Variants in TCF20 observed in about 807,000 individuals in gnomAD.
TCF20 encodes the protein transcription factor 20.
TCF20 carries 3 observed loss-of-function variants against 148.6 expected under a neutral mutation model. That is an observed-to-expected ratio of 0.02 (90% CI 0.01 to 0.05). TCF20 has a LOEUF of 0.05. TCF20 is among the 10% of genes least tolerant of loss of function. The pLI, the probability that TCF20 is intolerant of heterozygous loss-of-function variation, is 1.00. For synonymous variants in TCF20, 1,049 were observed against 909.5 expected (o/e 1.15, Z -2.76); for missense variants, 2,350 against 2,429.3 (o/e 0.97, Z 0.69).
At chr22:42,276,270 G>A (rs1315978901) in intron 1 of TCF20, 2 of 152,180 alleles carry the variant, frequency 1.3e-5, no homozygotes, top group African/African-American at 4.8e-5. Flanking sequence ...TACTTCCTGA[G>A]CCTCCAGTGT....
intron 1 of TCF20, among the ~76,000 whole-genome samples, chr22:42,329,634 G>C (rs1322695670): frequency 6.6e-6 from 1 of 152,204 alleles, no homozygotes; most frequent in Non-Finnish European, 1.5e-5. Context: ...GACACATGCT[G>C]GATCGCCACC....
At chr22:42,308,754 G>C (rs1249095423) in intron 1 of TCF20, among the ~76,000 whole-genome samples, 1 of 152,120 alleles carries the variant, frequency 6.6e-6, no homozygotes, top group African/African-American at 2.4e-5. Flanking sequence ...ACAGGGGAGG[G>C]AGATCCTCCC....
chr22:42,267,750 A>C (rs1926366347), intron 1 of TCF20, among the ~76,000 whole-genome samples: 1 of 152,182 alleles, frequency 6.6e-6, no homozygotes, highest in Non-Finnish European at 1.5e-5. Flanking sequence ...TGATGGTAAC[A>C]TACAAGAAAA....
chr22:42,324,708 A>G (rs920270765), intron 1 of TCF20, among the ~76,000 whole-genome samples: 2 of 152,168 alleles, frequency 1.3e-5, no homozygotes, highest in African/African-American at 4.8e-5. Context: ...AATAATCTCC[A>G]CCATCTGAGA....
chr22:42,231,956 ATCT>A (rs1923457573), intron 1 of TCF20, among the ~76,000 whole-genome samples: 1 of 150,930 alleles, frequency 6.6e-6, no homozygotes, highest in African/African-American at 2.4e-5. Flanking sequence ...AGTTACAGTA[ATCT>A]AAGGTTAATA....
chr22:42,263,875 A>G (rs1175566296), intron 1 of TCF20, among the ~76,000 whole-genome samples: 6 of 152,142 alleles, frequency 3.9e-5, no homozygotes, highest in African/African-American at 1.2e-4. Context: ...CATAGATGGC[A>G]AAGAATAGGT....
At chr22:42,320,605 T>C (rs546308787) in intron 1 of TCF20, among the ~76,000 whole-genome samples, 33 of 152,218 alleles carry the variant, frequency 2.2e-4, no homozygotes, top group Non-Finnish European at 4.0e-4. Context: ...ACAAAGTCAG[T>C]TGCATTCCTG....
Position 42,161,192 on chromosome 22 carries a change from T to A in TCF20, c.*211A>T, listed in dbSNP as rs1935429973. ...CCATTCCAACGTCTTGGGTCTTTCT[T>A]TCCTGTGGTGTCACTGGTTTGAGTG... is the stretch of plus-strand genomic sequence containing the variant. On this transcript the variant is annotated 3_prime_UTR_variant, in exon 6 of 6. Transcript: ENST00000677622. The A allele has an allele frequency of 1.1e-6, 1 of 904,996 alleles. No homozygotes were observed. The highest frequency in any genetic ancestry group is 1.6e-5 in the African/African-American group (1 of 60,764). 56.1% of individuals were successfully genotyped at this position (904,996 alleles called of 1,614,324 possible). A position where few individuals can be genotyped will look rare whatever the true frequency, so the allele number is the denominator to read the frequency against.
intron 1 of TCF20, among the ~76,000 whole-genome samples, chr22:42,326,345 C>G (rs778357998): frequency 6.6e-6 from 1 of 152,182 alleles, no homozygotes; most frequent in Non-Finnish European, 1.5e-5. Context: ...TCCAGGGTCA[C>G]CCTGGATTCT....
At chr22:42,323,912 T>C (rs1181234698) in intron 1 of TCF20, among the ~76,000 whole-genome samples, 2 of 121,550 alleles carry the variant, frequency 1.6e-5, no homozygotes, top group African/African-American at 3.1e-5. Flanking sequence ...GAGGTGGTGG[T>C]GGTGATGGAG....
intron 1 of TCF20, among the ~76,000 whole-genome samples, chr22:42,335,302 C>T (rs1246303744): frequency 6.6e-6 from 1 of 152,162 alleles, no homozygotes; most frequent in Non-Finnish European, 1.5e-5. Flanking sequence ...CTATCAGCAC[C>T]CCCTGCACCT....
intron 1 of TCF20, among the ~76,000 whole-genome samples, chr22:42,222,812 A>G (rs1922499433): frequency 1.3e-5 from 2 of 152,318 alleles, no homozygotes; most frequent in Admixed American, 6.5e-5. Flanking sequence ...CAAACCAATT[A>G]AAGTATTTAC....
At position 42,317,095 on chromosome 22, in the gene TCF20, C is replaced by T. The variant is rs1480155879; in HGVS notation, c.-37+26384G>A. ...CCCCAAATCCCCCAAAGAGCACTGG[C>T]AACACTATCCGTCTGCCTCCCCTGC... On this transcript the variant is annotated intron_variant, in intron 1 of 1. Transcript: ENST00000515426. The surrounding 1 kb of genome is among the most constrained non-coding windows in gnomAD (Gnocchi z 4.2). 6.6e-6 allele frequency among the ~76,000 whole-genome samples: 1 copy of T among 152,226 alleles called. No homozygotes were observed. Among genetic ancestry groups the T allele is most frequent in the African/African-American group, 2.4e-5 (1 of 41,456 alleles).
At position 42,312,172 on chromosome 22, in the gene TCF20, C is replaced by T. The variant is rs1007082277; in HGVS notation, c.-37+31307G>A. 1.3e-4 allele frequency among the ~76,000 whole-genome samples: 20 copies of T among 152,250 alleles called. No individual in the cohort carries two copies. The East Asian group carries it at 3.5e-3, about 26-fold the overall frequency. ...ACAGAAGAAGGGCACTCTCCAATGC[C>T]GAGAAGGTGCCATCATGGATGAGTG... On this transcript the variant is annotated intron_variant, in intron 1 of 1. Coordinates refer to the TCF20 transcript ENST00000515426.
chr22:42,259,684 T>A (rs773933635), intron 1 of TCF20, among the ~76,000 whole-genome samples: 2 of 152,228 alleles, frequency 1.3e-5, no homozygotes, highest in Admixed American at 6.5e-5. Flanking sequence ...ACCTCCTCCC[T>A]CACCAAGTCC....
chr22:42,255,313 C>T (rs1447892066), intron 1 of TCF20, among the ~76,000 whole-genome samples: 3 of 152,000 alleles, frequency 2.0e-5, no homozygotes, highest in East Asian at 1.9e-4. Context: ...GGTAAAACCC[C>T]GTCTCTACTA....
chr22:42,191,709 CG>C (rs1937344491), intron 2 of TCF20, among the ~76,000 whole-genome samples: 1 of 152,146 alleles, frequency 6.6e-6, no homozygotes, highest in African/African-American at 2.4e-5. Context: ...TTTTGTCTAA[CG>C]GAGTTTTTCC....
chr22:42,181,214 T>G, intron 2 of TCF20, among the ~76,000 whole-genome samples: 1 of 152,236 alleles, frequency 6.6e-6, no homozygotes, highest in Middle Eastern at 3.4e-3. Flanking sequence ...GATGGAGTCT[T>G]GCTTTGTCGC....
chr22:42,275,626 C>T (rs563314247), upstream of TCF20, among the ~76,000 whole-genome samples: 21 of 152,306 alleles, frequency 1.4e-4, no homozygotes, highest in South Asian at 2.9e-3. Context: ...TGAGTGATCC[C>T]ATTCACTCCT....
Sources: gnomAD v4.1 joint callset for allele counts (sites outside exome capture counted in the v4.1 genomes callset) on GRCh38, gnomAD v4.1.1 for gene constraint, Gnocchi (gnomAD v3.1) non-coding constraint, MANE v1.5 for transcripts, NCBI Gene and HGNC (gene_info 2026-07-23, HGNC 2026-07-21) for gene names.